Variants in ZNF546 observed in about 807,000 individuals in gnomAD.
ZNF546 encodes the protein CTC-471F3.6.
ZNF546 carries 60 observed loss-of-function variants against 76.2 expected under a neutral mutation model. The observed-to-expected ratio is 0.79, with a 90% CI of 0.64 to 0.98. ZNF546 has a LOEUF of 0.98. ZNF546 is among the 50% of genes least tolerant of loss of function. The pLI is 0.00. For missense variants in ZNF546, 936 were observed against 1,035.6 expected (o/e 0.90, Z 1.32); for synonymous variants, 277 against 328.1 (o/e 0.84, Z 1.68).
chr19:40,000,578 T>G (rs1401864905), intron 3 of ZNF546, among the ~76,000 whole-genome samples: 3 of 141,196 alleles, frequency 2.1e-5, no homozygotes, highest in Non-Finnish European at 3.0e-5. Context: ...ATAGCACCAC[T>G]GCCCTCCAGG....
At chr19:39,999,431 T>C (rs1599736873) in intron 3 of ZNF546, among the ~76,000 whole-genome samples, 1 of 152,202 alleles carries the variant, frequency 6.6e-6, no homozygotes, top group Non-Finnish European at 1.5e-5. Flanking sequence ...TGGATATAGA[T>C]CTATTGTATA....
intron 3 of ZNF546, among the ~76,000 whole-genome samples, chr19:40,003,900 G>A (rs965657446): frequency 6.6e-6 from 1 of 151,316 alleles, no homozygotes; most frequent in African/African-American, 2.4e-5. Context: ...TAATCCCAGC[G>A]ACTCGGGAGC....
In ZNF546 at chr19:40,019,018, T is replaced by C. The variant is rs1216525977; in HGVS notation, c.*3237T>C. 1.3e-5 allele frequency: 2 copies of C among 152,226 alleles called. No individual in the cohort carries two copies. The highest frequency in any genetic ancestry group is 4.8e-5 in the African/African-American group (2 of 41,454). The allele number at this position is 152,226 out of a possible 1,614,324, so 9.4% of individuals were successfully genotyped here. On this transcript the variant is annotated 3_prime_UTR_variant, in exon 7 of 7. Coordinates refer to ENST00000347077, the MANE Select transcript of ZNF546 (RefSeq NM_178544.5). ...TGCTTCATATGGTAATCACCAGGTT[T>C]CTCTGTTGTAGAGCTAAATATTTCT...
chr19:39,998,250 A>C lies in ZNF546; in HGVS notation c.-77A>C. 8.6e-7 allele frequency: 1 copy of C among 1,166,324 alleles called. No homozygotes were observed. The highest frequency in any genetic ancestry group is 1.3e-6 in the Non-Finnish European group (1 of 790,064). 72.2% of individuals were successfully genotyped at this position (1,166,324 alleles called of 1,614,324 possible). On this transcript the variant is annotated splice_region_variant and 5_prime_UTR_variant, in exon 3 of 7. Transcript: ENST00000347077. The stretch of plus-strand genomic sequence containing the variant: ...GCATAAAATGTTTTTGTTTTTAGGA[A>C]ATGGAAACATTGCTTTGCTTTTCCT...
At chr19:40,006,466 T>C (rs1331665806) in intron 4 of ZNF546, among the ~76,000 whole-genome samples, 3 of 152,182 alleles carry the variant, frequency 2.0e-5, no homozygotes, top group Admixed American at 6.5e-5. Context: ...TGGAGTATGA[T>C]TGGGGCCTGC....
chr19:40,000,438 G>A (rs373883865), intron 3 of ZNF546, among the ~76,000 whole-genome samples: 14 of 151,928 alleles, frequency 9.2e-5, no homozygotes, highest in African/African-American at 3.4e-4. Flanking sequence ...GCCTGGACAA[G>A]ATGGTGGAAC....
Position 40,015,659 on chromosome 19 carries a change from A to G in ZNF546, c.2389A>G (p.Arg797Gly). Reference sequence around the variant, plus strand: ...TAATTCAGAACTTACTCGACATCACAGAATTCATACTGGTGAAAAACCCTA... The same window carrying G: ...TAATTCAGAACTTACTCGACATCACGGAATTCATACTGGTGAAAAACCCTA... ...SVNSELTRHH[R>G]IHTGEKPYQC... Residue 797 changes from arginine to glycine, a missense_variant, in exon 7 of 7, where the codon AGA (arginine) becomes GGA (glycine). By Grantham distance (125) the Arg-to-Gly change is moderately radical. Coordinates refer to ENST00000347077, the MANE Select transcript of ZNF546 (RefSeq NM_178544.5). 6.2e-7 allele frequency: 1 copy of G among 1,614,234 alleles called. No homozygotes were observed. Among genetic ancestry groups the G allele is most frequent in the East Asian group, 2.2e-5 (1 of 44,884 alleles).
rs758271988 is a variant in ZNF546 at position 40,014,009 on chromosome 19, T to C, written c.739T>C (p.Cys247Arg). 9.3e-6 allele frequency: 15 copies of C among 1,612,442 alleles called. No homozygotes were observed. Among genetic ancestry groups the C allele is most frequent in the South Asian group, 2.2e-5 (2 of 90,968 alleles). Reference sequence around the variant, plus strand: ...TCACACTGGTGAGAGACCCTATAAATGTATGGAATGTGGAAAGGCCTTTTG... The same window carrying C: ...TCACACTGGTGAGAGACCCTATAAACGTATGGAATGTGGAAAGGCCTTTTG... ...RIHTGERPYK[C>R]MECGKAFCRV... The change falls in exon 7 of 7, where the codon TGT becomes CGT. Residue 247 changes from cysteine to arginine, a missense_variant. Transcript: ENST00000347077.
chr19:40,015,343 G>A lies in ZNF546; in HGVS notation c.2073G>A (p.Lys691=), dbSNP rs1189013183. Reference sequence around the variant, plus strand: ...ATCACAGAGGCCATACTGGTGAGAAGCCCTACATATGTAATGAATGTGGGA... The same window carrying A: ...ATCACAGAGGCCATACTGGTGAGAAACCCTACATATGTAATGAATGTGGGA... ...TQHHRGHTGE[K]PYICNECGNA... The change falls in exon 7 of 7, where the codon AAG becomes AAA. Residue 691 remains lysine, a synonymous_variant. Transcript: ENST00000347077. The A allele has an allele frequency of 6.2e-7, 1 of 1,613,830 alleles. No individual in the cohort carries two copies. The highest frequency in any genetic ancestry group is 8.5e-7 in the Non-Finnish European group (1 of 1,180,000).
chr19:40,014,010 G>C lies in ZNF546; in HGVS notation c.740G>C (p.Cys247Ser). The change falls in exon 7 of 7, where the codon TGT becomes TCT. Residue 247 changes from cysteine to serine, a missense_variant. Coordinates refer to ENST00000347077, the MANE Select transcript of ZNF546 (RefSeq NM_178544.5). The part of the protein sequence containing the change: ...RIHTGERPYK[C>S]MECGKAFCRV... Reference sequence around the variant, plus strand: ...CACACTGGTGAGAGACCCTATAAATGTATGGAATGTGGAAAGGCCTTTTGT... The same window carrying C: ...CACACTGGTGAGAGACCCTATAAATCTATGGAATGTGGAAAGGCCTTTTGT... The C allele has an allele frequency of 1.9e-6, 3 of 1,612,564 alleles. No homozygotes were observed. The highest frequency in any genetic ancestry group is 1.7e-6 in the Non-Finnish European group (2 of 1,178,980).
intron 3 of ZNF546, among the ~76,000 whole-genome samples, chr19:40,001,536 A>AT (rs1971529914): frequency 2.0e-5 from 3 of 151,792 alleles, no homozygotes; most frequent in Non-Finnish European, 4.4e-5. Flanking sequence ...TAATTTTTGT[A>AT]TTTTTAGTAG....
At chr19:40,002,698 CTT>C (rs34367306) in intron 3 of ZNF546, among the ~76,000 whole-genome samples, 7 of 140,222 alleles carry the variant, frequency 5.0e-5, no homozygotes, top group Admixed American at 1.4e-4. Context: ...GGGAAACTAA[CTT>C]TTTTTTTTTT....
chr19:40,012,531 AAG>A (rs977941032), intron 6 of ZNF546, among the ~76,000 whole-genome samples: 2 of 152,180 alleles, frequency 1.3e-5, no homozygotes, highest in African/African-American at 4.8e-5. Context: ...CCAAATAAGA[AAG>A]GGGTTTTTAT....
rs1388839312 is a variant in ZNF546, at chr19:40,013,820, AG to A, written c.551del (p.Arg184AsnfsTer14). 2.6e-5 allele frequency: 42 copies of A among 1,613,470 alleles called. No homozygotes were observed. In the Admixed American group the frequency reaches 6.5e-4, roughly 25 times the overall value. ...NGLQCKHEFERQERHQMGCVS... is the reference protein window; with the variant it reads ...NGLQCKHEFEXQERHQMGCVS... ...TTTGCAGTGTAAACATGAATTTGAG[AG>A]ACAAGAGAGACATCAGATGGGATGC... On this transcript the variant is annotated frameshift_variant, in exon 7 of 7. Transcript: ENST00000347077. LOFTEE classifies it high-confidence loss of function.
At position 40,016,748 on chromosome 19, in the gene ZNF546, C is replaced by T. The variant is rs1034392618; in HGVS notation, c.*967C>T. On this transcript the variant is annotated 3_prime_UTR_variant, in exon 7 of 7. Coordinates refer to ENST00000347077, the MANE Select transcript of ZNF546 (RefSeq NM_178544.5). ...GACCACACTTTATATAGCACTGTAA[C>T]GGAAAATGATTCTGTTAATGTAATG... The T allele has an allele frequency of 6.6e-5, 10 of 152,090 alleles. No individual in the cohort carries two copies. The highest frequency in any genetic ancestry group is 3.9e-4 in the Admixed American group (6 of 15,270). 9.4% of individuals were successfully genotyped at this position (152,090 alleles called of 1,614,324 possible).
Position 40,006,180 on chromosome 19 carries a change from A to C in ZNF546, c.169A>C (p.Asn57His). The change falls in exon 4 of 7, where the codon AAT becomes CAT. Residue 57 changes from asparagine (N) to histidine (H), a missense_variant and splice_region_variant. Physicochemically the swap from Asn to His is moderately conservative, Grantham distance 68. Transcript: ENST00000347077. ...TSSCGSKTMA[N>H]VSLAFRDVSI... ...TTCTTGTGGTTCTAAAACCATGGCC[A>C]ATGTAAGTTTGTGTTTTTCTTCCTT... 6.2e-7 allele frequency: 1 copy of C among 1,612,224 alleles called. No homozygotes were observed. Among genetic ancestry groups the C allele is most frequent in the East Asian group, 2.2e-5 (1 of 44,816 alleles).
Position 40,015,350 on chromosome 19 carries a change from A to T in ZNF546, c.2080A>T (p.Ile694Leu). The T allele has an allele frequency of 6.2e-7, 1 of 1,614,172 alleles. No individual in the cohort carries two copies. The highest frequency in any genetic ancestry group is 1.3e-5 in the African/African-American group (1 of 75,040). The change falls in exon 7 of 7, where the codon ATA becomes TTA. Residue 694 changes from isoleucine (I) to leucine (L), a missense_variant. Physicochemically the swap from Ile to Leu is conservative, Grantham distance 5. Transcript: ENST00000347077. ...AGGCCATACTGGTGAGAAGCCCTACATATGTAATGAATGTGGGAATGCTTT... is the reference window on the plus strand; with the variant it reads ...AGGCCATACTGGTGAGAAGCCCTACTTATGTAATGAATGTGGGAATGCTTT... ...HRGHTGEKPY[I>L]CNECGNAFIC...
Position 40,014,037 on chromosome 19 carries a change from G to T in ZNF546, c.767G>T (p.Arg256Leu). The part of the protein sequence containing the change: ...KCMECGKAFC[R>L]VGDLRVHHTI... ...ATGGAATGTGGAAAGGCCTTTTGTC[G>T]AGTGGGAGACCTTAGAGTACATCAC... The change falls in exon 7 of 7, where the codon CGA becomes CTA. Residue 256 changes from arginine to leucine, a missense_variant. Coordinates refer to ENST00000347077, the MANE Select transcript of ZNF546 (RefSeq NM_178544.5). The T allele has an allele frequency of 3.1e-6, 5 of 1,611,560 alleles. No individual in the cohort carries two copies. Among genetic ancestry groups the T allele is most frequent in the Non-Finnish European group, 4.2e-6 (5 of 1,178,304 alleles).
At chr19:40,010,020 T>G (rs958799568) in intron 6 of ZNF546, among the ~76,000 whole-genome samples, 1 of 152,146 alleles carries the variant, frequency 6.6e-6, no homozygotes, top group Non-Finnish European at 1.5e-5. Context: ...ATGCTTTCAT[T>G]TATCTTGGGT....
Sources: gnomAD v4.1 joint callset for allele counts (sites outside exome capture counted in the v4.1 genomes callset) on GRCh38, gnomAD v4.1.1 for gene constraint, MANE v1.5 for transcripts, NCBI Gene and HGNC (gene_info 2026-07-23, HGNC 2026-07-21) for gene names.